Variants in KIF26B observed in about 807,000 individuals in gnomAD.
KIF26B encodes the protein kinesin family member 26B, also known as kinesin-like protein KIF26B.
KIF26B carries 63 observed loss-of-function variants against 151.2 expected under a neutral mutation model. The ratio of observed to expected loss-of-function variants is 0.42; its 90% CI spans 0.34 to 0.51. The LOEUF is 0.51. Among genes scored for constraint, KIF26B ranks in the 20% least tolerant of loss-of-function variants. The probability of loss-of-function intolerance (pLI) is 0.07; values close to 1 mark genes in which losing one functional copy is unlikely to be tolerated. For synonymous variants in KIF26B, 1,357 were observed against 1,262.1 expected (o/e 1.08, Z -1.59); for missense variants, 2,813 against 2,913.6 (o/e 0.97, Z 0.79).
chr1:245,668,124 G>A (rs2044238293), intron 10 of KIF26B, among the ~76,000 whole-genome samples: 1 of 152,140 alleles, frequency 6.6e-6, no homozygotes, highest in Non-Finnish European at 1.5e-5. Context: ...TTAAACTCCT[G>A]ACCTCAAGTG....
intron 2 of KIF26B, among the ~76,000 whole-genome samples, chr1:245,307,981 C>A (rs893717409): frequency 6.6e-6 from 1 of 152,176 alleles, no homozygotes; most frequent in Non-Finnish European, 1.5e-5. Flanking sequence ...ACTGGTTAAT[C>A]TTTCAGTCCA....
chr1:245,690,648 C>G (rs968722758), intron 12 of KIF26B, among the ~76,000 whole-genome samples: 3 of 152,206 alleles, frequency 2.0e-5, no homozygotes, highest in African/African-American at 7.2e-5. Flanking sequence ...CTCCCCTCAT[C>G]ACAGATCACA....
intron 6 of KIF26B, among the ~76,000 whole-genome samples, chr1:245,605,163 T>A (rs1389475085): frequency 6.7e-6 from 1 of 149,832 alleles, no homozygotes; most frequent in African/African-American, 2.4e-5. Flanking sequence ...ACAATGTTCC[T>A]CATCAGGCCG....
chr1:245,304,375 T>C (rs1366257399), intron 2 of KIF26B, among the ~76,000 whole-genome samples: 1 of 152,216 alleles, frequency 6.6e-6, no homozygotes, highest in African/African-American at 2.4e-5. Flanking sequence ...CTTCTGCTAA[T>C]TGCCTTGCGA....
intron 9 of KIF26B, among the ~76,000 whole-genome samples, chr1:245,637,885 T>C (rs1180445125): frequency 6.6e-6 from 1 of 151,994 alleles, no homozygotes. Flanking sequence ...ATGCCAGTGG[T>C]ATACTCTTTG....
At chr1:245,467,424 T>C (rs534781238) in intron 4 of KIF26B, among the ~76,000 whole-genome samples, 1 of 152,278 alleles carries the variant, frequency 6.6e-6, no homozygotes, top group Non-Finnish European at 1.5e-5. Context: ...ATCTGGTTCC[T>C]GGAGAAAAGG....
chr1:245,349,137 C>G (rs543797507), intron 2 of KIF26B, among the ~76,000 whole-genome samples: 17 of 152,118 alleles, frequency 1.1e-4, no homozygotes, highest in Admixed American at 4.6e-4. Flanking sequence ...AATAGGTGCT[C>G]GATAAATATT....
At chr1:245,699,416 G>T (rs535367475) in intron 14 of KIF26B, among the ~76,000 whole-genome samples, 2 of 151,422 alleles carry the variant, frequency 1.3e-5, no homozygotes, top group East Asian at 3.9e-4. Flanking sequence ...AATTTATAGA[G>T]CCCTTAAAAA....
At chr1:245,223,578 C>T (rs76746871) in intron 2 of KIF26B, among the ~76,000 whole-genome samples, 1,794 of 152,256 alleles carry the variant, frequency 0.012, 15 homozygotes, top group Middle Eastern at 0.024. Flanking sequence ...AAAGTTAGAA[C>T]AGTGGTTCTC....
At chr1:245,539,364 G>C (rs1284251660) in intron 4 of KIF26B, among the ~76,000 whole-genome samples, 1 of 152,188 alleles carries the variant, frequency 6.6e-6, no homozygotes, top group Non-Finnish European at 1.5e-5. Flanking sequence ...AAACGGTGTT[G>C]CTTTTGTCTT....
intron 5 of KIF26B, among the ~76,000 whole-genome samples, chr1:245,566,678 C>A (rs777048494): frequency 9.2e-5 from 14 of 152,134 alleles, no homozygotes; most frequent in Non-Finnish European, 1.8e-4. Context: ...ACTTGTAATC[C>A]CAGCACTTTG....
chr1:245,169,986 C>G (rs778334350), intron 2 of KIF26B, among the ~76,000 whole-genome samples: 1 of 151,982 alleles, frequency 6.6e-6, no homozygotes, highest in Non-Finnish European at 1.5e-5. Flanking sequence ...AATGTCCTGT[C>G]TTGTTCACTT....
chr1:245,257,357 G>A (rs975860573), intron 2 of KIF26B, among the ~76,000 whole-genome samples: 1 of 152,158 alleles, frequency 6.6e-6, no homozygotes, highest in African/African-American at 2.4e-5. Context: ...CACAGGCCAC[G>A]GTCACTCATA....
intron 2 of KIF26B, among the ~76,000 whole-genome samples, chr1:245,168,003 C>T (rs1394762994): frequency 1.3e-5 from 2 of 152,160 alleles, no homozygotes; most frequent in African/African-American, 4.8e-5. Flanking sequence ...AGGTGCAGTC[C>T]TGCTTCCAGC....
At chr1:245,665,999 CTTT>C (rs33957488) in intron 10 of KIF26B, among the ~76,000 whole-genome samples, 1 of 107,400 alleles carries the variant, frequency 9.3e-6, no homozygotes, top group Non-Finnish European at 1.8e-5. Context: ...ACATTATGTC[CTTT>C]TTTTTTTTTT....
At chr1:245,593,758 C>T (rs2043313776) in intron 5 of KIF26B, among the ~76,000 whole-genome samples, 1 of 152,220 alleles carries the variant, frequency 6.6e-6, no homozygotes. Context: ...CTGTCTTCCA[C>T]AATGGTTGAA....
chr1:245,491,477 C>T (rs1660408187), intron 4 of KIF26B, among the ~76,000 whole-genome samples: 1 of 152,142 alleles, frequency 6.6e-6, no homozygotes, highest in Middle Eastern at 3.2e-3. Context: ...TCAGCATGAT[C>T]CTGACCTAAC....
chr1:245,270,225 CTTCCTTTCCCT>C (rs1322388063), intron 2 of KIF26B, among the ~76,000 whole-genome samples: 1 of 140,516 alleles, frequency 7.1e-6, no homozygotes, highest in Non-Finnish European at 1.5e-5. Flanking sequence ...TCCCTTCCTT[CTTCCTTTCCCT>C]TTCCTTTCTT....
chr1:245,312,282 T>G (rs1312247510), intron 2 of KIF26B, among the ~76,000 whole-genome samples: 1 of 152,222 alleles, frequency 6.6e-6, no homozygotes, highest in Non-Finnish European at 1.5e-5. Context: ...CCGTGTCAGC[T>G]TGTTGGAGTT....
Sources: allele counts gnomAD v4.1 joint callset (sites outside exome capture counted in the v4.1 genomes callset), GRCh38; gene constraint gnomAD v4.1.1; transcripts MANE v1.5; gene names NCBI Gene and HGNC (gene_info 2026-07-23, HGNC 2026-07-21).